SPART: variants seen among roughly 807,000 people sequenced by gnomAD.
SPART encodes the protein spartin.
Under a neutral mutation model 58.7 loss-of-function variants are expected in SPART, and 35 were observed. The observed-to-expected ratio is 0.60, with a 90% CI of 0.46 to 0.79. SPART has a LOEUF of 0.79. Among genes scored for constraint, SPART ranks in the 30% least tolerant of loss-of-function variants. SPART has a pLI of 0.00. For synonymous variants in SPART, 284 were observed against 280.7 expected (o/e 1.01, Z -0.12); for missense variants, 730 against 786.1 (o/e 0.93, Z 0.85).
At position 36,323,183 on chromosome 13, in the gene SPART, T is replaced by A. The variant is rs559761435; in HGVS notation, c.1288+3392A>T. Among the ~76,000 whole-genome samples the A allele has an allele frequency of 5.3e-5, 8 of 152,296 alleles. No individual in the cohort carries two copies. In the East Asian group the frequency reaches 1.5e-3, roughly 29 times the overall value. On this transcript the variant is annotated intron_variant, in intron 5 of 8. Transcript: ENST00000438666. ...TGTTTGCCTAGCATTCCAGAGTCCATCTGTAAATTAAATTGGGAAAGACTA... is the reference window on the plus strand; with the variant it reads ...TGTTTGCCTAGCATTCCAGAGTCCAACTGTAAATTAAATTGGGAAAGACTA...
intron 1 of SPART, among the ~76,000 whole-genome samples, chr13:36,352,647 A>C (rs1320900872): frequency 6.6e-6 from 1 of 152,186 alleles, no homozygotes; most frequent in Admixed American, 6.5e-5. Context: ...AATGAGAAGC[A>C]GTGAAAACTG....
chr13:36,331,037 G>A (rs1033784262), intron 3 of SPART, among the ~76,000 whole-genome samples: 3 of 152,152 alleles, frequency 2.0e-5, no homozygotes, highest in Non-Finnish European at 2.9e-5. Context: ...ATAACTACTC[G>A]TTCTGATATA....
chr13:36,315,127 C>G (rs1291367047), intron 5 of SPART, among the ~76,000 whole-genome samples: 1 of 152,162 alleles, frequency 6.6e-6, no homozygotes, highest in African/African-American at 2.4e-5. Flanking sequence ...TGGGCCCTAG[C>G]CCTTTGCTTT....
upstream of SPART, among the ~76,000 whole-genome samples, chr13:36,348,578 A>G (rs67248802): frequency 0.24 from 36,258 of 151,624 alleles, 4,746 homozygotes; most frequent in South Asian, 0.36. Flanking sequence ...TGAACATTTC[A>G]AAAATGAAAT....
chr13:36,354,807 G>A (rs1305996550), intron 1 of SPART, among the ~76,000 whole-genome samples: 4 of 152,176 alleles, frequency 2.6e-5, no homozygotes, highest in African/African-American at 9.7e-5. Context: ...TTCTCCAACT[G>A]TATGCCTTCT....
intron 1 of SPART, among the ~76,000 whole-genome samples, chr13:36,366,189 C>G (rs941903573): frequency 6.6e-6 from 1 of 152,148 alleles, no homozygotes; most frequent in Admixed American, 6.5e-5. Context: ...TACTCAGCGC[C>G]GCCTCTCTTT....
Position 36,331,481 on chromosome 13 carries a change from A to AC in SPART, c.925dup (p.Val309GlyfsTer6), listed in dbSNP as rs751298604. The AC allele has an allele frequency of 6.2e-7, 1 of 1,613,794 alleles. No individual in the cohort carries two copies. Among genetic ancestry groups the AC allele is most frequent in the African/African-American group, 1.3e-5 (1 of 74,836 alleles). On this transcript the variant is annotated frameshift_variant, in exon 3 of 9. Coordinates refer to ENST00000438666, the MANE Select transcript of SPART (RefSeq NM_015087.5). LOFTEE classifies it high-confidence loss of function. Reference sequence around the variant, plus strand: ...CTCTGGTAACTCAGAGGACAGGACGACCCCCACAAAGCATCCTGCTGCTTG... The same window carrying AC: ...CTCTGGTAACTCAGAGGACAGGACGACCCCCCACAAAGCATCCTGCTGCTTG...
chr13:36,340,268 CAGG>C (rs1379603161), intron 1 of SPART, among the ~76,000 whole-genome samples: 2 of 151,842 alleles, frequency 1.3e-5, no homozygotes, highest in Non-Finnish European at 2.9e-5. Context: ...GAGGCTGAGA[CAGG>C]AGAATTGCTT....
chr13:36,366,731 G>A (rs1334448383), intron 1 of SPART, among the ~76,000 whole-genome samples: 3 of 151,954 alleles, frequency 2.0e-5, no homozygotes, highest in Non-Finnish European at 4.4e-5. Flanking sequence ...TTCTGTCTTT[G>A]CCCTTCCTTC....
In SPART at chr13:36,319,876, G is replaced by A. The variant is rs183615314; in HGVS notation, c.1289-5455C>T. ...TTCTTCCTCATCTGTTACCTATCTC[G>A]GCATAATTCTCATAAAAACACACGT... On this transcript the variant is annotated intron_variant, in intron 5 of 8. Coordinates refer to ENST00000438666, the MANE Select transcript of SPART (RefSeq NM_015087.5). 4.4e-3 allele frequency among the ~76,000 whole-genome samples: 661 copies of A among 151,562 alleles called. 1 individual carries two copies. The highest frequency in any genetic ancestry group is 6.1e-3 in the Non-Finnish European group (415 of 67,920).
intron 1 of SPART, among the ~76,000 whole-genome samples, chr13:36,364,207 A>C (rs1885973933): frequency 6.6e-6 from 1 of 152,136 alleles, no homozygotes; most frequent in Admixed American, 6.5e-5. Context: ...ATAATTCTCC[A>C]ATGTATAACG....
In SPART at chr13:36,312,165, A is replaced by G; in HGVS notation, c.1713T>C (p.Thr571=). 1 of 1,613,842 alleles carries G rather than the reference A, an allele frequency of 6.2e-7. No individual in the cohort carries two copies. Among genetic ancestry groups the G allele is most frequent in the African/African-American group, 1.3e-5 (1 of 75,046 alleles). Residue 571 remains threonine, a synonymous_variant, in exon 8 of 9, where the codon ACT becomes ACC. Coordinates refer to ENST00000438666, the MANE Select transcript of SPART (RefSeq NM_015087.5). ...CTTACTTGTATCTGACAGTTTGTAC[A>G]GTTTCTGCTGAAACATTGTTAACGA... ...KCIVNNVSAE[T]VQTVRYKYGY...
At chr13:36,333,694 A>C (rs1566129937) in intron 2 of SPART, among the ~76,000 whole-genome samples, 1 of 152,156 alleles carries the variant, frequency 6.6e-6, no homozygotes, top group Non-Finnish European at 1.5e-5. Context: ...ACGGTACAGT[A>C]TTTCTGCCAT....
Position 36,339,173 on chromosome 13 carries a change from TA to T in SPART, c.-2-3342del, listed in dbSNP as rs555494043. Among the ~76,000 whole-genome samples the T allele has an allele frequency of 3.1e-4, 47 of 151,352 alleles. No homozygotes were observed. The East Asian group carries it at 7.6e-3, about 24-fold the overall frequency. On this transcript the variant is annotated intron_variant, in intron 1 of 8. Transcript: ENST00000438666. ...TAAAATAAAAAGTGGGATGCGTGCA[TA>T]CTGAAAGAAGGATATTCGAGTGACA...
In SPART at chr13:36,315,018, C is replaced by A. The variant is rs564510269; in HGVS notation, c.1289-597G>T. Among the ~76,000 whole-genome samples, 37 of 152,296 alleles carry A rather than the reference C, an allele frequency of 2.4e-4. No individual in the cohort carries two copies. The South Asian group carries it at 5.4e-3, about 22-fold the overall frequency. ...AGCACCGTTTAGCTTGCTACACATA[C>A]CTGAATGACAAAAACATGAGAACAC... On this transcript the variant is annotated intron_variant, in intron 5 of 8. Transcript: ENST00000438666.
intron 1 of SPART, chr13:36,370,048 TAGTGATTA>T: frequency 6.6e-6 from 1 of 152,344 alleles, no homozygotes; most frequent in Non-Finnish European, 1.5e-5. Context: ...AATAAAACAG[TAGTGATTA>T]ATAATGATAA....
chr13:36,342,288 G>A (rs7993291), intron 1 of SPART, among the ~76,000 whole-genome samples: 37,941 of 152,082 alleles, frequency 0.25, 5,245 homozygotes, highest in East Asian at 0.51. Context: ...AAGTTTGCAA[G>A]CATTAATTGC....
At chr13:36,355,707 T>C (rs2137703604) in intron 1 of SPART, among the ~76,000 whole-genome samples, 1 of 152,310 alleles carries the variant, frequency 6.6e-6, no homozygotes, top group South Asian at 2.1e-4. Context: ...TGGACTTTCT[T>C]CTCAGCCAGG....
chr13:36,346,473 A>C (rs1190878881), upstream of SPART: 2 of 152,730 alleles, frequency 1.3e-5, no homozygotes, highest in Non-Finnish European at 2.9e-5. Flanking sequence ...CCCGCCACAG[A>C]GCCCGCAGCA....
Sources: allele counts gnomAD v4.1 joint callset (sites outside exome capture counted in the v4.1 genomes callset), GRCh38; gene constraint gnomAD v4.1.1; transcripts MANE v1.5; gene names NCBI Gene and HGNC (gene_info 2026-07-23, HGNC 2026-07-21).